CHD8: variants seen among roughly 807,000 people sequenced by gnomAD.
CHD8 encodes the protein chromodomain helicase DNA binding protein 8.
A neutral mutation model predicts 279.2 loss-of-function variants in CHD8; 31 were observed. The observed-to-expected ratio is 0.11, with a 90% CI of 0.08 to 0.15. The LOEUF is 0.15. CHD8 is among the 10% of genes least tolerant of loss of function. CHD8 has a pLI of 1.00. For missense variants in CHD8, 2,146 were observed against 3,230.5 expected (o/e 0.66, Z 8.14); for synonymous variants, 1,081 against 1,139.6 (o/e 0.95, Z 1.04).
At chr14:21,423,318 C>T (rs1889137952) in intron 5 of CHD8, among the ~76,000 whole-genome samples, 1 of 152,102 alleles carries the variant, frequency 6.6e-6, no homozygotes, top group African/African-American at 2.4e-5. Flanking sequence ...ACCTTCTTGC[C>T]ACATCATCCC....
rs1352806894 is a variant in CHD8 at position 21,430,882 on chromosome 14, C to A, written c.762G>T (p.Lys254Asn). The change falls in exon 2 of 38, where the codon AAG becomes AAT. Residue 254 changes from lysine (K) to asparagine (N), a missense_variant. Around this residue, in one of 26 missense-constraint regions of CHD8, gnomAD observed 302 missense variants for 325.5 expected, o/e 0.93. Transcript: ENST00000646647. ...CAGGGTTTCCAGCAGGAGCTGAACC[C>A]TTAACTGGCTGGAGGACCAGCTGCT... ...PVKQLVLQPV[K>N]GSAPAGNPGA... 2 of 1,599,262 alleles carry A rather than the reference C, an allele frequency of 1.3e-6. No homozygotes were observed. The highest frequency in any genetic ancestry group is 1.7e-6 in the Non-Finnish European group (2 of 1,179,714).
chr14:21,443,660 C>G (rs1890040702), intron 1 of CHD8, among the ~76,000 whole-genome samples: 1 of 151,992 alleles, frequency 6.6e-6, no homozygotes. Flanking sequence ...CGAGACCATC[C>G]TGGCTAATAC....
chr14:21,405,535 A>C lies in CHD8; in HGVS notation c.3052-71T>G. ...GAACATTCTCACATTATGTAGAAAC[A>C]TGGAAAAATTAGAGTTTTCCACTAT... is the stretch of plus-strand genomic sequence containing the variant. On this transcript the variant is annotated intron_variant, in intron 15 of 37. Coordinates refer to ENST00000646647, the MANE Select transcript of CHD8 (RefSeq NM_001170629.2). The surrounding 1 kb of genome is among the most constrained non-coding windows in gnomAD (Gnocchi z 4.2). 3 of 1,548,546 alleles carry C rather than the reference A, an allele frequency of 1.9e-6. No homozygotes were observed. In the South Asian group the frequency reaches 3.7e-5, roughly 19 times the overall value.
intron 1 of CHD8, among the ~76,000 whole-genome samples, chr14:21,453,958 A>C (rs1890316660): frequency 6.6e-6 from 1 of 151,474 alleles, no homozygotes; most frequent in African/African-American, 2.4e-5. Context: ...GTTCAAGACC[A>C]GCCTAGCCAA....
chr14:21,428,724 A>G (rs1344262048), intron 3 of CHD8, among the ~76,000 whole-genome samples: 1 of 152,202 alleles, frequency 6.6e-6, no homozygotes, highest in Admixed American at 6.5e-5. Context: ...ATTATAAATA[A>G]AACAATTCAA....
intron 2 of CHD8, 44 bp downstream of exon 2, chr14:21,430,757 C>A: frequency 2.4e-6 from 3 of 1,274,542 alleles, no homozygotes; most frequent in South Asian, 1.3e-5. Context: ...GTTGCTGGGC[C>A]CTCTATGAAA....
At chr14:21,437,269 C>G (rs747608027) in intron 1 of CHD8, 4 of 1,157,012 alleles carry the variant, frequency 3.5e-6, no homozygotes, top group Non-Finnish European at 4.3e-6. Context: ...CCTGCGCAAC[C>G]TAACCTGATG....
intron 1 of CHD8, among the ~76,000 whole-genome samples, chr14:21,443,865 A>AC (rs1399594895): frequency 1.3e-5 from 2 of 151,574 alleles, no homozygotes; most frequent in Non-Finnish European, 2.9e-5. Flanking sequence ...CAAAAAAAAA[A>AC]AAAAAAAAAA....
chr14:21,420,926 C>T (rs1889009277), intron 5 of CHD8, among the ~76,000 whole-genome samples: 1 of 152,134 alleles, frequency 6.6e-6, no homozygotes, highest in African/African-American at 2.4e-5. Context: ...CCATGCCCAG[C>T]TAATTTTGTA....
intron 21 of CHD8, 46 bp downstream of exon 21, chr14:21,401,357 T>C: frequency 8.8e-7 from 1 of 1,133,722 alleles, no homozygotes; most frequent in Non-Finnish European, 1.3e-6. Context: ...CTCCCGAAAG[T>C]AGTGTGGTCT....
intron 1 of CHD8, among the ~76,000 whole-genome samples, chr14:21,447,160 G>A (rs547834582): frequency 3.3e-5 from 5 of 152,300 alleles, no homozygotes; most frequent in African/African-American, 9.6e-5. Flanking sequence ...AAAATCACAA[G>A]CACCTTCACT....
chr14:21,432,352 T>C (rs1390672027), intron 1 of CHD8, among the ~76,000 whole-genome samples: 1 of 152,004 alleles, frequency 6.6e-6, no homozygotes, highest in Non-Finnish European at 1.5e-5. Context: ...CCAAGGCTTA[T>C]AGTACAATCT....
chr14:21,392,628 C>A lies in CHD8; in HGVS notation c.6650G>T (p.Arg2217Leu). 1 of 1,613,972 alleles carries A rather than the reference C, an allele frequency of 6.2e-7. No homozygotes were observed. The highest frequency in any genetic ancestry group is 8.5e-7 in the Non-Finnish European group (1 of 1,179,878). The change falls in exon 34 of 38, where the codon CGA becomes CTA. Residue 2217 changes from arginine to leucine, a missense_variant. By Grantham distance (102) the Arg-to-Leu change is moderately radical. Transcript: ENST00000646647. ...TGCCATGGAAGCTGCACTACTACTT[C>A]GTGGTGTGGGGACTGGAGAGTCACC... ...EYGDSPVPTPRSSSAASMAEE... is the reference protein window; with the variant it reads ...EYGDSPVPTPLSSSAASMAEE...
At chr14:21,406,741 T>G in intron 14 of CHD8, 115 bp downstream of exon 14, 2 of 892,754 alleles carry the variant, frequency 2.2e-6, no homozygotes, top group South Asian at 3.8e-5. Flanking sequence ...TCATCCCCAC[T>G]GTTCAATACC....
chr14:21,429,442 G>T (rs1441714771), intron 2 of CHD8, 107 bp from the exon 3 acceptor site: 4 of 1,121,794 alleles, frequency 3.6e-6, no homozygotes, highest in Non-Finnish European at 4.0e-6. Flanking sequence ...CTACAGGTCA[G>T]AAGACACAGT....
chr14:21,447,522 C>T (rs1890156991), intron 1 of CHD8, among the ~76,000 whole-genome samples: 1 of 152,060 alleles, frequency 6.6e-6, no homozygotes, highest in Admixed American at 6.6e-5. Context: ...CAGGCACGCA[C>T]CACCACGTCT....
At chr14:21,453,515 T>C (rs1380170902) in intron 1 of CHD8, among the ~76,000 whole-genome samples, 1 of 151,910 alleles carries the variant, frequency 6.6e-6, no homozygotes, top group Non-Finnish European at 1.5e-5. Context: ...ATGAATCAAA[T>C]GCTAAAGGTA....
In CHD8 at chr14:21,385,771, G is replaced by T. The variant is rs1410846258; in HGVS notation, c.7588C>A (p.Arg2530=). 4.5e-6 allele frequency: 7 copies of T among 1,550,632 alleles called. No homozygotes were observed. In the East Asian group the frequency reaches 1.7e-4, roughly 38 times the overall value. ...TCCTCAGGTTGCAGTGGTGGCAACC[G>T]CAAGGTAGTACCAGAGGCGGTAGTC... The part of the protein sequence containing the change: ...PVTTASGTTL[R]LPPLQPEEDD... Residue 2530 remains arginine (R), a synonymous_variant, in exon 38 of 38, where the codon CGG becomes AGG. Transcript: ENST00000646647.
At chr14:21,434,599 T>C (rs971869554) in intron 1 of CHD8, among the ~76,000 whole-genome samples, 8 of 152,146 alleles carry the variant, frequency 5.3e-5, no homozygotes, top group Admixed American at 3.9e-4. Flanking sequence ...TTGTCATTTA[T>C]CTCTCCCTTC....
Sources: allele counts gnomAD v4.1 joint callset (sites outside exome capture counted in the v4.1 genomes callset), GRCh38; gene constraint gnomAD v4.1.1; regional missense constraint gnomAD v4.1.1; non-coding constraint Gnocchi (gnomAD v3.1); transcripts MANE v1.5; gene names NCBI Gene and HGNC (gene_info 2026-07-23, HGNC 2026-07-21).